The following NPAS2 variants were observed in gnomAD, a reference collection of about 807,000 sequenced individuals.
The protein encoded by NPAS2 is neuronal PAS domain-containing protein 2.
In NPAS2, 23 loss-of-function variants were observed where a neutral mutation model predicts 107.5. That is an observed-to-expected ratio of 0.21 (90% CI 0.15 to 0.30). The LOEUF (loss-of-function observed/expected upper bound fraction) is 0.30. Ranked by LOEUF, NPAS2 falls within the 10% of genes least tolerant of loss-of-function variation. NPAS2 has a pLI of 1.00. For synonymous variants in NPAS2, 403 were observed against 417.5 expected, an observed-to-expected ratio of 0.97 and a Z score of 0.42; for missense variants, 756 against 1,043.3, an observed-to-expected ratio of 0.72 and a Z score of 3.79.
chr2:100,849,930 A>T (rs552486133), intron 1 of NPAS2, among the ~76,000 whole-genome samples: 3 of 151,964 alleles, frequency 2.0e-5, no homozygotes, highest in African/African-American at 7.2e-5. Flanking sequence ...AAAAACAAAC[A>T]AAATGTAAAA....
intron 1 of NPAS2, among the ~76,000 whole-genome samples, chr2:100,869,514 T>C (rs1361048453): frequency 6.6e-6 from 1 of 152,188 alleles, no homozygotes; most frequent in East Asian, 1.9e-4. Flanking sequence ...TCTTAAGGAT[T>C]TTCAAACCAC....
At chr2:100,859,751 G>A (rs373694413) in intron 1 of NPAS2, among the ~76,000 whole-genome samples, 3 of 152,288 alleles carry the variant, frequency 2.0e-5, no homozygotes, top group African/African-American at 7.2e-5. Flanking sequence ...GTGGGAAAGC[G>A]GTAAGGGTGG....
At chr2:100,874,438 A>G (rs927468243) in intron 1 of NPAS2, among the ~76,000 whole-genome samples, 1 of 152,202 alleles carries the variant, frequency 6.6e-6, no homozygotes, top group Admixed American at 6.5e-5. Context: ...TATAGCAACT[A>G]CCACTTAAAA....
chr2:100,957,286 A>T (rs967347206), intron 7 of NPAS2, among the ~76,000 whole-genome samples: 3 of 152,214 alleles, frequency 2.0e-5, no homozygotes, highest in Admixed American at 6.5e-5. Flanking sequence ...GAGCTGGGAT[A>T]TGTAACCCCG....
Position 100,974,812 on chromosome 2 carries a change from TCAAGCC to T in NPAS2, c.1151_1156del (p.Ser384_Ser385del). Reference sequence around the variant, plus strand: ...GATGTGTGTGTTTCAGGACAAGGGCTCAAGCCTGGAACCTCGGCAGCACTTTAACAC... The same window carrying T: ...GATGTGTGTGTTTCAGGACAAGGGCTTGGAACCTCGGCAGCACTTTAACAC... On this transcript the variant is annotated inframe_deletion, in exon 13 of 21. Transcript: ENST00000335681. 1.2e-6 allele frequency: 2 copies of T among 1,613,848 alleles called. No individual in the cohort carries two copies. Among genetic ancestry groups the T allele is most frequent in the Non-Finnish European group, 1.7e-6 (2 of 1,179,892 alleles).
intron 1 of NPAS2, among the ~76,000 whole-genome samples, chr2:100,883,160 A>G (rs563984213): frequency 5.9e-5 from 9 of 152,252 alleles, no homozygotes; most frequent in African/African-American, 1.9e-4. Flanking sequence ...AAGTGTAGCT[A>G]TTTTACTTCT....
chr2:100,972,301 C>A (rs1324533027), intron 12 of NPAS2, among the ~76,000 whole-genome samples: 8 of 152,190 alleles, frequency 5.3e-5, no homozygotes, highest in Non-Finnish European at 2.9e-5. Flanking sequence ...ATCTCTGAAA[C>A]AAGTGTTTCT....
At chr2:100,862,173 CAAAG>C (rs1390039517) in intron 1 of NPAS2, among the ~76,000 whole-genome samples, 8 of 152,136 alleles carry the variant, frequency 5.3e-5, no homozygotes, top group South Asian at 2.1e-4. Context: ...GAATACATCT[CAAAG>C]AAAGCTGTAG....
intron 1 of NPAS2, among the ~76,000 whole-genome samples, chr2:100,824,404 T>G (rs1676250952): frequency 6.6e-6 from 1 of 152,210 alleles, no homozygotes; most frequent in Non-Finnish European, 1.5e-5. Flanking sequence ...GTACTTAAGC[T>G]GTAGGTTCTG....
chr2:100,854,097 C>T (rs559697813), intron 1 of NPAS2, among the ~76,000 whole-genome samples: 3 of 137,816 alleles, frequency 2.2e-5, no homozygotes, highest in Non-Finnish European at 3.0e-5. Flanking sequence ...CTGCAGTGAG[C>T]AGAGATTGCA....
At chr2:100,992,285 C>T (rs1182656455) in intron 19 of NPAS2, among the ~76,000 whole-genome samples, 3 of 152,170 alleles carry the variant, frequency 2.0e-5, no homozygotes, top group African/African-American at 7.2e-5. Context: ...TGTGGTGGCA[C>T]GTGCCTGTAA....
At position 100,967,237 on chromosome 2, in the gene NPAS2, CTTTTTTTTTTTT is replaced by C. The variant is rs58558247; in HGVS notation, c.908-1028_908-1017del. Among the ~76,000 whole-genome samples, 7 of 100,548 alleles carry C rather than the reference CTTTTTTTTTTTT, an allele frequency of 7.0e-5. No individual in the cohort carries two copies. In the South Asian group the frequency reaches 2.2e-3, roughly 31 times the overall value. The allele number at this position is 100,548 out of a possible 152,430, so 66.0% of individuals were successfully genotyped here. On this transcript the variant is annotated intron_variant, in intron 10 of 20. Transcript: ENST00000335681. ...TAATCACATTCTCCAAGTCAGTGTC[CTTTTTTTTTTTT>C]TTTTTTTTTTTTTTTGAGACAGAGT...
chr2:100,975,046 C>A, intron 13 of NPAS2, 102 bp downstream of exon 13: 1 of 1,301,468 alleles, frequency 7.7e-7, no homozygotes, highest in Non-Finnish European at 1.1e-6. Context: ...GCAGTCTGTG[C>A]CTCCGACAGA....
chr2:100,881,364 G>A (rs1180604604), intron 1 of NPAS2, among the ~76,000 whole-genome samples: 2 of 152,196 alleles, frequency 1.3e-5, no homozygotes, highest in African/African-American at 4.8e-5. Context: ...AAGATCCCAG[G>A]GGACCTGTGT....
At chr2:100,833,191 A>G (rs918757291) in intron 1 of NPAS2, among the ~76,000 whole-genome samples, 3 of 152,224 alleles carry the variant, frequency 2.0e-5, no homozygotes, top group Non-Finnish European at 2.9e-5. Context: ...CGCATGGCCC[A>G]TAGCAGAAAG....
chr2:100,885,095 C>A (rs1412271147), intron 1 of NPAS2, among the ~76,000 whole-genome samples: 1 of 151,934 alleles, frequency 6.6e-6, no homozygotes, highest in African/African-American at 2.4e-5. Context: ...ACTACAGGTG[C>A]CCACCAGCAC....
chr2:100,952,068 C>T (rs896591983), intron 7 of NPAS2, among the ~76,000 whole-genome samples: 3 of 148,102 alleles, frequency 2.0e-5, no homozygotes, highest in East Asian at 2.0e-4. Flanking sequence ...AGAAGAATGG[C>T]GTGAACCCGG....
At chr2:100,888,240 A>G (rs1312230184) in intron 1 of NPAS2, among the ~76,000 whole-genome samples, 1 of 152,206 alleles carries the variant, frequency 6.6e-6, no homozygotes, top group Admixed American at 6.5e-5. Flanking sequence ...ACTAAGCCCT[A>G]AGAACATCAG....
At chr2:100,941,974 C>T (rs1674601600) in intron 5 of NPAS2, among the ~76,000 whole-genome samples, 1 of 152,078 alleles carries the variant, frequency 6.6e-6, no homozygotes, top group African/African-American at 2.4e-5. Flanking sequence ...TTGCCATGTG[C>T]CTAAGTGTTC....
Sources: gnomAD v4.1 joint callset for allele counts (sites outside exome capture counted in the v4.1 genomes callset) on GRCh38, gnomAD v4.1.1 for gene constraint, MANE v1.5 for transcripts, NCBI Gene and HGNC (gene_info 2026-07-23, HGNC 2026-07-21) for gene names.